STX18: variants seen among roughly 807,000 people sequenced by gnomAD.
The protein encoded by STX18 is syntaxin 18.
A neutral mutation model predicts 50.1 loss-of-function variants in STX18; 40 were observed. The observed-to-expected ratio is 0.80, with a 90% CI of 0.62 to 1.04. The LOEUF (loss-of-function observed/expected upper bound fraction) is 1.04. Ranked by LOEUF, STX18 falls within the 50% of genes least tolerant of loss-of-function variation. The pLI is 0.00. For missense variants in STX18, 410 were observed against 415.8 expected, an observed-to-expected ratio of 0.99 and a Z score of 0.12; for synonymous variants, 158 against 151.8, an observed-to-expected ratio of 1.04 and a Z score of -0.30.
intron 1 of STX18, among the ~76,000 whole-genome samples, chr4:4,494,569 T>C (rs775613514): frequency 2.0e-5 from 3 of 152,222 alleles, no homozygotes; most frequent in Non-Finnish European, 4.4e-5. Flanking sequence ...AAGAACAGTG[T>C]GGCTCAGATA....
chr4:4,532,699 A>G (rs1463879440), intron 1 of STX18, among the ~76,000 whole-genome samples: 1 of 152,220 alleles, frequency 6.6e-6, no homozygotes, highest in Non-Finnish European at 1.5e-5. Flanking sequence ...GTTCTCCAAG[A>G]TCACATAGTA....
At chr4:4,456,414 A>G (rs1413654763) in intron 5 of STX18, among the ~76,000 whole-genome samples, 4 of 152,214 alleles carry the variant, frequency 2.6e-5, no homozygotes, top group Non-Finnish European at 4.4e-5. Context: ...CATCTCCAAG[A>G]CTGGCTGAGT....
chr4:4,505,404 G>C (rs1472076571), intron 1 of STX18, among the ~76,000 whole-genome samples: 1 of 152,126 alleles, frequency 6.6e-6, no homozygotes, highest in Non-Finnish European at 1.5e-5. Flanking sequence ...TAATTGCATG[G>C]CTGACTGAGA....
At chr4:4,465,045 T>C (rs886074585) in intron 2 of STX18, among the ~76,000 whole-genome samples, 1 of 152,188 alleles carries the variant, frequency 6.6e-6, no homozygotes, top group Non-Finnish European at 1.5e-5. Flanking sequence ...GAGATCTTTT[T>C]AGCTTTTTGA....
At chr4:4,499,891 T>C (rs1358594705) in intron 1 of STX18, among the ~76,000 whole-genome samples, 4 of 152,108 alleles carry the variant, frequency 2.6e-5, no homozygotes, top group Non-Finnish European at 5.9e-5. Flanking sequence ...AAATGACTGC[T>C]GTTTAAAACA....
intron 1 of STX18, among the ~76,000 whole-genome samples, chr4:4,503,666 A>G (rs981932496): frequency 2.6e-5 from 4 of 152,146 alleles, no homozygotes; most frequent in Admixed American, 2.6e-4. Context: ...ACTGAAATAA[A>G]AATTTTAAAA....
At chr4:4,498,362 C>T (rs187381141) in intron 1 of STX18, among the ~76,000 whole-genome samples, 1 of 152,062 alleles carries the variant, frequency 6.6e-6, no homozygotes, top group African/African-American at 2.4e-5. Flanking sequence ...AATAATATTA[C>T]TGCCAATATA....
intron 2 of STX18, among the ~76,000 whole-genome samples, chr4:4,468,412 C>T (rs1316507954): frequency 1.3e-5 from 2 of 152,142 alleles, no homozygotes; most frequent in Non-Finnish European, 2.9e-5. Context: ...GGGTAGTCTA[C>T]AACCCGGCCA....
chr4:4,507,042 C>T, intron 1 of STX18: 1 of 445,548 alleles, frequency 2.2e-6, no homozygotes, highest in Admixed American at 2.8e-5. Context: ...TTTTAAAAAG[C>T]AGCTCTTCCT....
At position 4,505,093 on chromosome 4, in the gene STX18, C is replaced by T. The variant is rs371246822; in HGVS notation, c.169-33387G>A. Among the ~76,000 whole-genome samples the T allele has an allele frequency of 7.2e-5, 11 of 152,296 alleles. No homozygotes were observed. The East Asian group carries it at 2.1e-3, about 29-fold the overall frequency. ...TCACTCCCCATTTCCCCCAACACCC[C>T]CAGTGCTGGGCAACCGATTTACTTT... is the stretch of plus-strand genomic sequence containing the variant. On this transcript the variant is annotated intron_variant, in intron 1 of 10. Coordinates refer to ENST00000306200, the MANE Select transcript of STX18 (RefSeq NM_016930.4).
At chr4:4,429,771 A>G (rs1725432223) in intron 7 of STX18, among the ~76,000 whole-genome samples, 1 of 152,186 alleles carries the variant, frequency 6.6e-6, no homozygotes, top group South Asian at 2.1e-4. Flanking sequence ...ACTATGTGGT[A>G]TTCAGATTCC....
At chr4:4,511,928 G>A (rs1037269899) in intron 1 of STX18, among the ~76,000 whole-genome samples, 3 of 152,072 alleles carry the variant, frequency 2.0e-5, no homozygotes, top group Admixed American at 2.0e-4. Flanking sequence ...ATAATACTTT[G>A]TCTGGGGGCG....
intron 7 of STX18, among the ~76,000 whole-genome samples, chr4:4,427,505 T>A (rs998790359): frequency 3.9e-5 from 6 of 152,252 alleles, no homozygotes; most frequent in African/African-American, 1.4e-4. Flanking sequence ...TCACTTTGGC[T>A]AATTCAGGTA....
intron 1 of STX18, among the ~76,000 whole-genome samples, chr4:4,497,482 T>C (rs917298536): frequency 6.6e-6 from 1 of 152,228 alleles, no homozygotes; most frequent in African/African-American, 2.4e-5. Context: ...CAATATCACT[T>C]ACGTAACGCT....
At chr4:4,519,501 C>T (rs1459110181) in intron 1 of STX18, among the ~76,000 whole-genome samples, 1 of 152,136 alleles carries the variant, frequency 6.6e-6, no homozygotes, top group East Asian at 1.9e-4. Context: ...CAATAGGTGC[C>T]TTCCATTCCC....
chr4:4,484,353 G>A (rs1287918176), intron 1 of STX18, among the ~76,000 whole-genome samples: 1 of 152,208 alleles, frequency 6.6e-6, no homozygotes, highest in African/African-American at 2.4e-5. Flanking sequence ...TGGGCTTCTA[G>A]TAATGCCACT....
At chr4:4,434,885 A>C (rs1725696233) in intron 6 of STX18, 27 bp from the exon 7 acceptor site, 1 of 1,533,108 alleles carries the variant, frequency 6.5e-7, no homozygotes, top group Middle Eastern at 1.9e-4. Context: ...TGAAAATAGA[A>C]GACCAAATAT....
intron 1 of STX18, among the ~76,000 whole-genome samples, chr4:4,483,627 C>T (rs1229767977): frequency 6.6e-6 from 1 of 152,170 alleles, no homozygotes; most frequent in East Asian, 1.9e-4. Context: ...CTAGATGACA[C>T]ACAGAGCAGT....
chr4:4,433,026 G>C (rs1045787815), intron 7 of STX18, among the ~76,000 whole-genome samples: 6 of 152,214 alleles, frequency 3.9e-5, no homozygotes, highest in Admixed American at 1.3e-4. Flanking sequence ...AGCAACACTT[G>C]CCTAGACCAC....
Sources: gnomAD v4.1 joint callset for allele counts (sites outside exome capture counted in the v4.1 genomes callset) on GRCh38, gnomAD v4.1.1 for gene constraint, MANE v1.5 for transcripts, NCBI Gene and HGNC (gene_info 2026-07-23, HGNC 2026-07-21) for gene names.